Variants in RERE observed in about 807,000 individuals in gnomAD.
RERE encodes the protein arginine-glutamic acid dipeptide repeats, also known as arginine-glutamic acid dipeptide repeats protein.
A neutral mutation model predicts 146.1 loss-of-function variants in RERE; 40 were observed. The observed-to-expected ratio is 0.27, with a 90% CI of 0.21 to 0.36. RERE has a LOEUF of 0.36. Among genes scored for constraint, RERE ranks in the 10% least tolerant of loss-of-function variants. The probability of loss-of-function intolerance (pLI) is 1.00; values close to 1 mark genes in which losing one functional copy is unlikely to be tolerated. For synonymous variants in RERE, 1,003 were observed against 866.0 expected, an observed-to-expected ratio of 1.16 and a Z score of -2.78; for missense variants, 1,933 against 2,138.7, an observed-to-expected ratio of 0.90 and a Z score of 1.90.
chr1:8,707,487 T>G (rs1011663633), intron 1 of RERE, among the ~76,000 whole-genome samples: 3 of 152,212 alleles, frequency 2.0e-5, no homozygotes, highest in African/African-American at 7.2e-5. Context: ...CTTCTGAAGA[T>G]GGCAACTTTG....
chr1:8,510,799 C>G (rs183286289), intron 7 of RERE, among the ~76,000 whole-genome samples: 14 of 152,354 alleles, frequency 9.2e-5, no homozygotes, highest in Admixed American at 2.6e-4. Context: ...CTGCCTGCAG[C>G]TCAACCTTTG....
intron 1 of RERE, among the ~76,000 whole-genome samples, chr1:8,816,318 A>G (rs989881502): frequency 6.6e-6 from 1 of 152,222 alleles, no homozygotes; most frequent in Non-Finnish European, 1.5e-5. Context: ...TACCTTAAAA[A>G]AGCAACAGAT....
intron 4 of RERE, among the ~76,000 whole-genome samples, chr1:8,589,290 T>G (rs918171748): frequency 6.6e-6 from 1 of 151,544 alleles, no homozygotes; most frequent in Non-Finnish European, 1.5e-5. Context: ...AAATAAAAAA[T>G]GTATTCAGGT....
chr1:8,362,826 C>A lies in RERE; in HGVS notation c.1759G>T (p.Gly587Cys), dbSNP rs1400760629. ...SRGSMSTLRS[G>C]RKKQPASPDG... ...GGGCTGGCTGGCTGCTTCTTCCGACCACTGCGTAGTGTCGACATCTGCCCA... is the reference window on the plus strand; with the variant it reads ...GGGCTGGCTGGCTGCTTCTTCCGACAACTGCGTAGTGTCGACATCTGCCCA... The change falls in exon 16 of 23, where the codon GGT (glycine) becomes TGT (cysteine). Residue 587 changes from glycine to cysteine, a missense_variant. Coordinates refer to ENST00000400908, the MANE Select transcript of RERE (RefSeq NM_001042681.2). 6.8e-6 allele frequency: 11 copies of A among 1,613,312 alleles called. No individual in the cohort carries two copies. In the Admixed American group the frequency reaches 1.0e-4, roughly 15 times the overall value.
chr1:8,473,320 ACT>A (rs1488195102), intron 10 of RERE, among the ~76,000 whole-genome samples: 1 of 151,858 alleles, frequency 6.6e-6, no homozygotes. Flanking sequence ...CTCACACCAT[ACT>A]CTCTTTGCTT....
At chr1:8,527,815 C>G (rs1053395676) in intron 7 of RERE, among the ~76,000 whole-genome samples, 1 of 152,070 alleles carries the variant, frequency 6.6e-6, no homozygotes, top group Non-Finnish European at 1.5e-5. Context: ...CGTACCCCAG[C>G]GGCCACACCC....
chr1:8,592,079 C>T (rs6663337), intron 4 of RERE, among the ~76,000 whole-genome samples: 3,154 of 152,276 alleles, frequency 0.021, 107 homozygotes, highest in African/African-American at 0.073. Flanking sequence ...AGACATTTTA[C>T]AGTACTTCCC....
At chr1:8,567,516 G>A (rs148129293) in intron 4 of RERE, among the ~76,000 whole-genome samples, 147 of 152,244 alleles carry the variant, frequency 9.7e-4, no homozygotes, top group African/African-American at 3.4e-3. Flanking sequence ...AACTTCTGCC[G>A]CTGTTAAATT....
At chr1:8,492,425 C>G (rs185033873) in intron 10 of RERE, among the ~76,000 whole-genome samples, 1 of 152,258 alleles carries the variant, frequency 6.6e-6, no homozygotes, top group East Asian at 1.9e-4. Flanking sequence ...ACTGATAGCA[C>G]AGTTATGAAA....
intron 20 of RERE, among the ~76,000 whole-genome samples, chr1:8,357,141 T>C (rs1189587949): frequency 6.6e-6 from 1 of 152,120 alleles, no homozygotes; most frequent in Non-Finnish European, 1.5e-5. Flanking sequence ...CTTTCAACTA[T>C]CTCCCCAAAC....
At chr1:8,454,893 C>CA (rs1352256764) in intron 11 of RERE, among the ~76,000 whole-genome samples, 11 of 152,076 alleles carry the variant, frequency 7.2e-5, no homozygotes, top group African/African-American at 2.7e-4. Context: ...TTTCTTGAGG[C>CA]CACACAGGTG....
chr1:8,816,138 A>G (rs1018051768), intron 1 of RERE, among the ~76,000 whole-genome samples: 5 of 152,332 alleles, frequency 3.3e-5, no homozygotes, highest in Non-Finnish European at 1.5e-5. Flanking sequence ...TTAAATGGAA[A>G]GCAATTATGA....
chr1:8,417,549 A>C (rs892814034), intron 12 of RERE, among the ~76,000 whole-genome samples: 3 of 152,224 alleles, frequency 2.0e-5, no homozygotes, highest in African/African-American at 7.2e-5. Context: ...GAAAATGAAG[A>C]TAGAAGGCAG....
chr1:8,416,584 T>A (rs1216443406), intron 12 of RERE, among the ~76,000 whole-genome samples: 2 of 53,076 alleles, frequency 3.8e-5, no homozygotes, highest in Admixed American at 2.7e-4. Flanking sequence ...AGACTCCATC[T>A]CCAAAAAAAA....
At chr1:8,695,428 C>T (rs1639305700) in intron 1 of RERE, among the ~76,000 whole-genome samples, 2 of 151,856 alleles carry the variant, frequency 1.3e-5, no homozygotes, top group East Asian at 3.9e-4. Flanking sequence ...CCTAATTAAA[C>T]TAAAGAGCTT....
intron 1 of RERE, among the ~76,000 whole-genome samples, chr1:8,680,364 G>T (rs1165797768): frequency 6.6e-6 from 1 of 152,118 alleles, no homozygotes; most frequent in Admixed American, 6.5e-5. Flanking sequence ...CCAAAATGTG[G>T]GCAACTATTC....
At chr1:8,462,428 C>T (rs968960602) in intron 11 of RERE, among the ~76,000 whole-genome samples, 5 of 152,202 alleles carry the variant, frequency 3.3e-5, no homozygotes, top group African/African-American at 1.2e-4. Flanking sequence ...GGAGACAGTG[C>T]GAAGAGGGAG....
chr1:8,536,208 C>T (rs1034644907), intron 7 of RERE, among the ~76,000 whole-genome samples: 1 of 151,774 alleles, frequency 6.6e-6, no homozygotes, highest in Non-Finnish European at 1.5e-5. Flanking sequence ...TGACAGTTTA[C>T]AGAAGTTTTC....
rs570630548 is a variant in RERE, at chr1:8,476,583, G to A, written c.1105-10560C>T. On this transcript the variant is annotated intron_variant, in intron 10 of 22. Coordinates refer to ENST00000400908, the MANE Select transcript of RERE (RefSeq NM_001042681.2). Reference sequence around the variant, plus strand: ...CTCACAGTGCTAAATGAAAGCTGATGGGGATGACATTTGCTCAGTCTGGAA... The same window carrying A: ...CTCACAGTGCTAAATGAAAGCTGATAGGGATGACATTTGCTCAGTCTGGAA... 7.9e-5 allele frequency among the ~76,000 whole-genome samples: 12 copies of A among 152,322 alleles called. No homozygotes were observed. In the South Asian group the frequency reaches 2.1e-3, roughly 26 times the overall value.
Sources: gnomAD v4.1 joint callset for allele counts (sites outside exome capture counted in the v4.1 genomes callset) on GRCh38, gnomAD v4.1.1 for gene constraint, MANE v1.5 for transcripts, NCBI Gene and HGNC (gene_info 2026-07-23, HGNC 2026-07-21) for gene names.